KCNK2: variants seen among roughly 807,000 people sequenced by gnomAD.
The protein encoded by KCNK2 is potassium channel subfamily K member 2.
A neutral mutation model predicts 40.5 loss-of-function variants in KCNK2; 21 were observed. That is an observed-to-expected ratio of 0.52 (90% CI 0.37 to 0.75). The LOEUF is 0.75. Ranked by LOEUF, KCNK2 falls within the 30% of genes least tolerant of loss-of-function variation. The probability of loss-of-function intolerance (pLI) is 0.00; values close to 1 mark genes in which losing one functional copy is unlikely to be tolerated. For synonymous variants in KCNK2, 191 were observed against 202.2 expected (o/e 0.94, Z 0.47); for missense variants, 399 against 531.6 (o/e 0.75, Z 2.45).
rs141952080 is a variant in KCNK2 at position 215,032,907 on chromosome 1, T to C, written c.34+26952T>C. ...TGGTGTTCTCTGCGATTCCATTAAT[T>C]TGAAGAAATTCTCTGTCATTATTGT... On this transcript the variant is annotated intron_variant, in intron 1 of 6. Transcript: ENST00000391895. 4.9e-3 allele frequency among the ~76,000 whole-genome samples: 739 copies of C among 152,230 alleles called. 7 individuals carry two copies. The highest frequency in any genetic ancestry group is 0.017 in the African/African-American group (709 of 41,552).
chr1:215,020,524 C>T (rs904106502), intron 1 of KCNK2, among the ~76,000 whole-genome samples: 1 of 152,118 alleles, frequency 6.6e-6, no homozygotes, highest in African/African-American at 2.4e-5. Flanking sequence ...CTCCTGAGTT[C>T]AAGCGATTAT....
chr1:215,018,823 T>C (rs975453157), intron 1 of KCNK2, among the ~76,000 whole-genome samples: 1 of 152,114 alleles, frequency 6.6e-6, no homozygotes, highest in African/African-American at 2.4e-5. Context: ...AGAGTCACGA[T>C]CAAATTTGCA....
intron 2 of KCNK2, 116 bp downstream of exon 2, chr1:215,086,794 C>T: frequency 1.2e-6 from 1 of 859,194 alleles, no homozygotes; most frequent in Admixed American, 2.2e-5. Flanking sequence ...CCTATCCCAC[C>T]TCATTTGCCT....
At chr1:215,207,085 A>G (rs1192406526) in intron 6 of KCNK2, among the ~76,000 whole-genome samples, 2 of 152,154 alleles carry the variant, frequency 1.3e-5, no homozygotes, top group Admixed American at 6.5e-5. Flanking sequence ...AGTTGACACA[A>G]TGATAATGTA....
At chr1:215,019,409 A>C (rs1206424235) in intron 1 of KCNK2, among the ~76,000 whole-genome samples, 1 of 152,232 alleles carries the variant, frequency 6.6e-6, no homozygotes, top group African/African-American at 2.4e-5. Flanking sequence ...CTAGAGAAAC[A>C]CCATGAGCAG....
intron 3 of KCNK2, among the ~76,000 whole-genome samples, chr1:215,134,034 T>C (rs145740179): frequency 2.6e-5 from 4 of 152,260 alleles, no homozygotes; most frequent in Admixed American, 2.6e-4. Context: ...ATATCCCTTA[T>C]TGAAGATGCT....
intron 6 of KCNK2, among the ~76,000 whole-genome samples, chr1:215,217,142 T>C (rs145038283): frequency 3.3e-4 from 51 of 152,332 alleles, no homozygotes; most frequent in African/African-American, 1.0e-3. Context: ...TTTTGCTGCC[T>C]GGGTATTTCA....
At position 215,166,919 on chromosome 1, in the gene KCNK2, A is replaced by G. The variant is rs201488889; in HGVS notation, c.476-2280A>G. 6.6e-5 allele frequency among the ~76,000 whole-genome samples: 10 copies of G among 152,268 alleles called. No homozygotes were observed. The East Asian group carries it at 9.7e-4, about 15-fold the overall frequency. ...GTTACTACGTGGTTCAACACTGAAA[A>G]AGAAATTAATATAATTATTATTTTC... On this transcript the variant is annotated intron_variant, in intron 3 of 6. Transcript: ENST00000444842.
chr1:215,225,993 CCTT>C (rs1471019368), intron 6 of KCNK2, among the ~76,000 whole-genome samples: 1 of 152,130 alleles, frequency 6.6e-6, no homozygotes, highest in African/African-American at 2.4e-5. Flanking sequence ...GAACTTTTAT[CCTT>C]CTTAGGCCAC....
chr1:215,232,730 C>T (rs999617977), intron 6 of KCNK2, among the ~76,000 whole-genome samples: 6 of 152,028 alleles, frequency 3.9e-5, no homozygotes, highest in Admixed American at 2.6e-4. Context: ...AAGACAATTA[C>T]CAAAGTAAAG....
chr1:215,139,870 G>T (rs1662096885), intron 3 of KCNK2, among the ~76,000 whole-genome samples: 1 of 151,892 alleles, frequency 6.6e-6, no homozygotes, highest in Non-Finnish European at 1.5e-5. Flanking sequence ...CTCATATATG[G>T]TAATATGTGA....
chr1:215,169,159 C>T lies in KCNK2; in HGVS notation c.476-40C>T, dbSNP rs375892164. 10 of 1,505,448 alleles carry T rather than the reference C, an allele frequency of 6.6e-6. No homozygotes were observed. The African/African-American group carries it at 7.1e-5, about 11-fold the overall frequency. 93.3% of individuals were successfully genotyped at this position (1,505,448 alleles called of 1,614,324 possible). ...CAATCTTGAGTTCATATGTTTTAAA[C>T]AACTATTATTCATTTGTAAACAATG... On this transcript the variant is annotated intron_variant, in intron 3 of 6. Transcript: ENST00000444842.
In KCNK2 at chr1:215,083,320, G is replaced by A; in HGVS notation, c.-66G>A. 6.2e-7 allele frequency: 1 copy of A among 1,613,418 alleles called. No homozygotes were observed. Among genetic ancestry groups the A allele is most frequent in the Admixed American group, 1.7e-5 (1 of 59,998 alleles). On this transcript the variant is annotated 5_prime_UTR_variant, in exon 1 of 7. Coordinates refer to ENST00000444842, the MANE Select transcript of KCNK2 (RefSeq NM_001017425.3). ...CTCTGAATAAGAAGTGAGTACAATG[G>A]CGTGTTTGTAAAAAAAAGCTTCAAG...
intron 1 of KCNK2, among the ~76,000 whole-genome samples, chr1:215,052,224 G>A (rs1011424120): frequency 6.6e-6 from 1 of 152,162 alleles, no homozygotes; most frequent in African/African-American, 2.4e-5. Flanking sequence ...ATGGATGGGG[G>A]CAGGTTGGTT....
At chr1:215,211,122 T>C (rs1571736808) in intron 6 of KCNK2, among the ~76,000 whole-genome samples, 1 of 152,138 alleles carries the variant, frequency 6.6e-6, no homozygotes, top group East Asian at 1.9e-4. Flanking sequence ...CTTCCCTTTT[T>C]CCTCAGAGTA....
intron 6 of KCNK2, among the ~76,000 whole-genome samples, chr1:215,220,488 T>C (rs545923324): frequency 6.6e-6 from 1 of 152,294 alleles, no homozygotes; most frequent in East Asian, 1.9e-4. Flanking sequence ...CTACCACCCC[T>C]TGAGTAGACA....
rs61818275 is a variant in KCNK2 at position 215,059,148 on chromosome 1, T to C, written c.35-27220T>C. On this transcript the variant is annotated intron_variant, in intron 1 of 6. Transcript: ENST00000391895. ...ATTCGTGTATATATATACACACACA[T>C]ATATATATATACACACACACATACA... 7.8e-4 allele frequency among the ~76,000 whole-genome samples: 36 copies of C among 45,864 alleles called. No homozygotes were observed. The South Asian group carries it at 0.013, about 16-fold the overall frequency. 30.1% of individuals were successfully genotyped at this position (45,864 alleles called of 152,430 possible).
At chr1:215,209,468 A>T (rs376462016) in intron 6 of KCNK2, among the ~76,000 whole-genome samples, 243 of 14,390 alleles carry the variant, frequency 0.017, 11 homozygotes, top group African/African-American at 0.04. Flanking sequence ...TATTATATAT[A>T]ATATATATTA....
chr1:215,209,423 ATATATATAATATAAAATATAT>A (rs1192237120), intron 6 of KCNK2, among the ~76,000 whole-genome samples: 3 of 47,702 alleles, frequency 6.3e-5, no homozygotes, highest in African/African-American at 2.8e-4. Flanking sequence ...ATTATATATA[ATATATATAATATAAAATATAT>A]AATATATATT....
Sources: allele counts gnomAD v4.1 joint callset (sites outside exome capture counted in the v4.1 genomes callset), GRCh38; gene constraint gnomAD v4.1.1; transcripts MANE v1.5; gene names NCBI Gene and HGNC (gene_info 2026-07-23, HGNC 2026-07-21).